Variants in TTL observed in about 807,000 individuals in gnomAD.
TTL encodes tubulin--tyrosine ligase.
A neutral mutation model predicts 41.1 loss-of-function variants in TTL; 10 were observed. The observed-to-expected ratio is 0.24, with a 90% CI of 0.15 to 0.41. TTL has a LOEUF of 0.41. Among genes scored for constraint, TTL ranks in the 10% least tolerant of loss-of-function variants. The probability of loss-of-function intolerance (pLI) is 1.00; values close to 1 mark genes in which losing one functional copy is unlikely to be tolerated. For synonymous variants in TTL, 175 were observed against 175.5 expected (o/e 1.00, Z 0.02); for missense variants, 367 against 460.4 (o/e 0.80, Z 1.86).
intron 6 of TTL, among the ~76,000 whole-genome samples, chr2:112,526,724 T>G (rs1162065323): frequency 6.6e-6 from 1 of 152,164 alleles, no homozygotes; most frequent in Non-Finnish European, 1.5e-5. Context: ...TTTGTTGATC[T>G]TTTCAAAAAA....
chr2:112,531,983 CA>C lies in TTL; in HGVS notation c.*3190del. On this transcript the variant is annotated 3_prime_UTR_variant, in exon 7 of 7. Transcript: ENST00000233336. ...ATGGCAATTATGAACTCCATTTTAC[CA>C]AGAACATTTAAGTGCCTCAGCATCT... 1 of 227,174 alleles carries C rather than the reference CA, an allele frequency of 4.4e-6. No homozygotes were observed. Among genetic ancestry groups the C allele is most frequent in the Non-Finnish European group, 8.7e-6 (1 of 114,362 alleles). The allele number at this position is 227,174 out of a possible 1,614,324, so 14.1% of individuals were successfully genotyped here. A position where few individuals can be genotyped will look rare whatever the true frequency, so the allele number is the denominator to read the frequency against.
chr2:112,529,109 C>T lies in TTL; in HGVS notation c.*314C>T. The T allele has an allele frequency of 2.3e-6, 1 of 438,396 alleles. No homozygotes were observed. The highest frequency in any genetic ancestry group is 4.2e-6 in the Non-Finnish European group (1 of 237,524). The allele number at this position is 438,396 out of a possible 1,614,324, so 27.2% of individuals were successfully genotyped here. A position where few individuals can be genotyped will look rare whatever the true frequency, so the allele number is the denominator to read the frequency against. ...AGGGCACTGGGACCTCTGGTCGGTG[C>T]CTCCCACCCACTGCAGCCCTAGTGC... On this transcript the variant is annotated 3_prime_UTR_variant, in exon 7 of 7. Transcript: ENST00000233336.
At chr2:112,522,022 T>C (rs764547084) in intron 6 of TTL, 1 of 152,338 alleles carries the variant, frequency 6.6e-6, no homozygotes, top group Non-Finnish European at 1.5e-5. Context: ...CCCTCCATGG[T>C]GCTCTAGACC....
At chr2:112,510,349 A>G (rs1681890056) in intron 5 of TTL, among the ~76,000 whole-genome samples, 1 of 151,910 alleles carries the variant, frequency 6.6e-6, no homozygotes, top group Admixed American at 6.6e-5. Context: ...GGCTGGTTTC[A>G]AGCTCCTGGG....
chr2:112,521,411 T>A (rs2104474459), intron 6 of TTL: 1 of 961,172 alleles, frequency 1.0e-6, no homozygotes, highest in Non-Finnish European at 1.2e-6. Flanking sequence ...TCTCTTGTGC[T>A]GAGGGTTCTT....
chr2:112,496,163 A>C (rs1681517228), intron 3 of TTL, among the ~76,000 whole-genome samples: 1 of 152,214 alleles, frequency 6.6e-6, no homozygotes, highest in Non-Finnish European at 1.5e-5. Context: ...GATTGGAGTC[A>C]GAATGGCCAC....
At chr2:112,485,849 G>A (rs1649960275) in intron 1 of TTL, 68 bp from the exon 2 acceptor site, 3 of 1,359,604 alleles carry the variant, frequency 2.2e-6, no homozygotes, top group Non-Finnish European at 3.0e-6. Flanking sequence ...AGCTGGGCAT[G>A]ACACAGCTGT....
intron 6 of TTL, among the ~76,000 whole-genome samples, chr2:112,526,931 A>G (rs1682388431): frequency 1.3e-5 from 2 of 152,230 alleles, no homozygotes; most frequent in African/African-American, 2.4e-5. Flanking sequence ...ATTTAGTGCT[A>G]TAAATTTCTG....
chr2:112,487,583 C>T (rs1426192436), intron 2 of TTL, among the ~76,000 whole-genome samples: 3 of 152,126 alleles, frequency 2.0e-5, no homozygotes, highest in Non-Finnish European at 4.4e-5. Context: ...GGGCTGGAGT[C>T]GTGACCAACT....
chr2:112,490,568 C>CTTTTT (rs35722764), intron 2 of TTL, among the ~76,000 whole-genome samples: 5 of 110,698 alleles, frequency 4.5e-5, no homozygotes, highest in Non-Finnish European at 7.0e-5. Context: ...CTTAGTAAAT[C>CTTTTT]TTTTTTTTTT....
At chr2:112,525,345 G>A (rs922072760) in intron 6 of TTL, among the ~76,000 whole-genome samples, 5 of 152,202 alleles carry the variant, frequency 3.3e-5, no homozygotes, top group African/African-American at 1.2e-4. Flanking sequence ...TTGGTAGCTT[G>A]ATGGGGATGG....
chr2:112,489,223 T>G (rs1160183606), intron 2 of TTL, among the ~76,000 whole-genome samples: 1 of 152,252 alleles, frequency 6.6e-6, no homozygotes, highest in Non-Finnish European at 1.5e-5. Flanking sequence ...CTTCAAAATC[T>G]AATGTGAATT....
At chr2:112,483,899 A>G (rs1197605602) in intron 1 of TTL, 2 of 152,254 alleles carry the variant, frequency 1.3e-5, no homozygotes, top group Non-Finnish European at 2.9e-5. Flanking sequence ...CGGTGTCAGG[A>G]AGACCCTAGC....
chr2:112,498,234 A>G (rs962221225), intron 3 of TTL, among the ~76,000 whole-genome samples: 8 of 152,078 alleles, frequency 5.3e-5, no homozygotes, highest in Non-Finnish European at 1.2e-4. Flanking sequence ...GAGGTGGGAG[A>G]ATCGCTTGAA....
intron 3 of TTL, among the ~76,000 whole-genome samples, chr2:112,495,421 A>G (rs7570679): frequency 0.11 from 16,975 of 152,220 alleles, 1,132 homozygotes; most frequent in Non-Finnish European, 0.16. Flanking sequence ...GCAGTCAACA[A>G]ATATATGTTG....
intron 3 of TTL, among the ~76,000 whole-genome samples, chr2:112,497,954 A>T (rs972157086): frequency 9.9e-5 from 15 of 152,226 alleles, no homozygotes. Flanking sequence ...ATGTTACGGG[A>T]TATGAGAGCA....
chr2:112,517,823 A>G (rs1179760049), intron 5 of TTL, among the ~76,000 whole-genome samples: 3 of 151,506 alleles, frequency 2.0e-5, no homozygotes, highest in Admixed American at 2.0e-4. Flanking sequence ...GCATGCTTGT[A>G]GTCCCAGCTA....
chr2:112,496,574 A>G (rs960267168), intron 3 of TTL, among the ~76,000 whole-genome samples: 2 of 151,878 alleles, frequency 1.3e-5, no homozygotes, highest in East Asian at 1.9e-4. Flanking sequence ...CCATTATTCC[A>G]CTATTACAGA....
chr2:112,521,101 T>C, intron 6 of TTL: 2 of 852,184 alleles, frequency 2.3e-6, no homozygotes, highest in South Asian at 5.4e-5. Context: ...ATCTTAGACA[T>C]GGGGGGTCTG....
Sources: allele counts gnomAD v4.1 joint callset (sites outside exome capture counted in the v4.1 genomes callset), GRCh38; gene constraint gnomAD v4.1.1; transcripts MANE v1.5; gene names NCBI Gene and HGNC (gene_info 2026-07-23, HGNC 2026-07-21).